The following ULK4 variants were observed in gnomAD, a reference collection of about 807,000 sequenced individuals.
The protein encoded by ULK4 is unc-51 like kinase 4, also known as inactive serine/threonine-protein kinase ULK4.
A neutral mutation model predicts 160.6 loss-of-function variants in ULK4; 133 were observed. The ratio of observed to expected loss-of-function variants is 0.83; its 90% CI spans 0.72 to 0.96. ULK4 has a LOEUF of 0.96. Ranked by LOEUF, ULK4 falls within the 40% of genes least tolerant of loss-of-function variation. ULK4 has a pLI of 0.00. For synonymous variants in ULK4, 534 were observed against 539.8 expected, an observed-to-expected ratio of 0.99 and a Z score of 0.15; for missense variants, 1,580 against 1,499.5, an observed-to-expected ratio of 1.05 and a Z score of -0.89.
chr3:41,866,691 T>C (rs950133559), intron 17 of ULK4, among the ~76,000 whole-genome samples: 2 of 152,184 alleles, frequency 1.3e-5, no homozygotes, highest in African/African-American at 4.8e-5. Flanking sequence ...TACTATAATA[T>C]GCGCTTGTGT....
intron 32 of ULK4, among the ~76,000 whole-genome samples, chr3:41,493,612 A>C (rs1237043705): frequency 7.3e-6 from 1 of 136,532 alleles, no homozygotes; most frequent in Admixed American, 7.3e-5. Flanking sequence ...GACACAAAAA[A>C]CCCTTCAAAA....
intron 30 of ULK4, among the ~76,000 whole-genome samples, 175 bp downstream of exon 30, chr3:41,663,432 G>A (rs1041906228): frequency 1.3e-5 from 2 of 152,096 alleles, no homozygotes; most frequent in Non-Finnish European, 2.9e-5. Flanking sequence ...ATATGAGAAC[G>A]AGAGTCAAAA....
chr3:41,368,570 T>C (rs974800419), intron 35 of ULK4, among the ~76,000 whole-genome samples: 11 of 152,184 alleles, frequency 7.2e-5, no homozygotes, highest in Admixed American at 2.6e-4. Flanking sequence ...TTCTGTAGAT[T>C]TGTAGATTCC....
chr3:41,849,101 A>T (rs2042142821), intron 17 of ULK4, among the ~76,000 whole-genome samples: 1 of 152,198 alleles, frequency 6.6e-6, no homozygotes, highest in South Asian at 2.1e-4. Context: ...TTAGCTGCCC[A>T]CAAAAGCCAC....
Position 41,938,207 on chromosome 3 carries a change from C to T in ULK4, c.139-10G>A. 2 of 1,604,708 alleles carry T rather than the reference C, an allele frequency of 1.2e-6. No homozygotes were observed. Among genetic ancestry groups the T allele is most frequent in the African/African-American group, 2.7e-5 (2 of 74,702 alleles). Reference sequence around the variant, plus strand: ...CACGGGTGAGACGGACCTATAAAAACACAGAGCAATCACTCTAAAAAGAAA... The same window carrying T: ...CACGGGTGAGACGGACCTATAAAAATACAGAGCAATCACTCTAAAAAGAAA... On this transcript the variant is annotated splice_polypyrimidine_tract_variant and intron_variant, in intron 2 of 36. Transcript: ENST00000301831.
intron 21 of ULK4, among the ~76,000 whole-genome samples, chr3:41,757,624 T>G (rs2038849033): frequency 8.9e-6 from 1 of 112,104 alleles, no homozygotes; most frequent in African/African-American, 4.2e-5. Flanking sequence ...AGAGCGAGAC[T>G]CTCTCAAAAA....
intron 32 of ULK4, among the ~76,000 whole-genome samples, chr3:41,463,914 C>T (rs1185902538): frequency 6.8e-6 from 1 of 147,646 alleles, no homozygotes; most frequent in East Asian, 2.0e-4. Flanking sequence ...AATTGAAATA[C>T]AACAAAAGTG....
chr3:41,699,847 T>C (rs1247658470), intron 27 of ULK4, among the ~76,000 whole-genome samples: 1 of 152,238 alleles, frequency 6.6e-6, no homozygotes, highest in Non-Finnish European at 1.5e-5. Flanking sequence ...AGCCAGTAAG[T>C]TGCAATAATA....
At chr3:41,268,813 CAAAAAAAAAAAA>C (rs1176923529) in intron 35 of ULK4, among the ~76,000 whole-genome samples, 1 of 29,088 alleles carries the variant, frequency 3.4e-5, no homozygotes, top group Non-Finnish European at 6.7e-5. Flanking sequence ...CACACACACA[CAAAAAAAAAAAA>C]AAAAAAAAAG....
chr3:41,918,719 A>C (rs976731915), intron 6 of ULK4, among the ~76,000 whole-genome samples, 179 bp from the exon 7 acceptor site: 1 of 145,180 alleles, frequency 6.9e-6, no homozygotes, highest in Admixed American at 7.4e-5. Flanking sequence ...CTCCTGCTTC[A>C]GCCTCCCCAG....
chr3:41,362,233 T>C (rs2081160932), intron 35 of ULK4, among the ~76,000 whole-genome samples: 2 of 152,310 alleles, frequency 1.3e-5, no homozygotes, highest in South Asian at 4.1e-4. Context: ...TCCAGTGTAG[T>C]GTTGACTGGA....
At chr3:41,558,347 G>C (rs1023990576) in intron 32 of ULK4, among the ~76,000 whole-genome samples, 1 of 152,188 alleles carries the variant, frequency 6.6e-6, no homozygotes, top group South Asian at 2.1e-4. Flanking sequence ...ACGGGGGTAA[G>C]TGCATATTTT....
chr3:41,652,193 G>A (rs1397916118), intron 30 of ULK4, among the ~76,000 whole-genome samples: 3 of 151,950 alleles, frequency 2.0e-5, no homozygotes, highest in Admixed American at 2.0e-4. Flanking sequence ...GATAATGGAA[G>A]AAAATAAGCA....
At chr3:41,279,276 C>CAA (rs1347630140) in intron 35 of ULK4, among the ~76,000 whole-genome samples, 3 of 73,624 alleles carry the variant, frequency 4.1e-5, no homozygotes, top group African/African-American at 1.9e-4. Context: ...AAAAAAAAAA[C>CAA]AAAACGACAA....
chr3:41,597,323 G>T (rs540085751), intron 31 of ULK4, among the ~76,000 whole-genome samples: 14 of 152,190 alleles, frequency 9.2e-5, no homozygotes, highest in Admixed American at 5.2e-4. Context: ...TCTCTGTGTG[G>T]ACCAAGGGAG....
At chr3:41,509,319 G>A (rs2085493955) in intron 32 of ULK4, among the ~76,000 whole-genome samples, 1 of 152,098 alleles carries the variant, frequency 6.6e-6, no homozygotes, top group African/African-American at 2.4e-5. Flanking sequence ...CAAGAAGTTT[G>A]GGACTATGTT....
At chr3:41,804,213 G>C (rs904430167) in intron 19 of ULK4, among the ~76,000 whole-genome samples, 32 of 151,846 alleles carry the variant, frequency 2.1e-4, no homozygotes, top group East Asian at 9.7e-4. Flanking sequence ...TTGTGGTTTT[G>C]ATTTGCATTT....
intron 34 of ULK4, among the ~76,000 whole-genome samples, chr3:41,402,065 C>T (rs79536315): frequency 0.022 from 3,303 of 152,174 alleles, 48 homozygotes; most frequent in Middle Eastern, 0.034. Flanking sequence ...CCCATGGTCA[C>T]GTCATACTCT....
chr3:41,611,016 A>G (rs913220001), intron 31 of ULK4, among the ~76,000 whole-genome samples: 2 of 152,096 alleles, frequency 1.3e-5, no homozygotes, highest in African/African-American at 4.8e-5. Flanking sequence ...AGCAACTTAT[A>G]CTCTTTTGAA....
Sources: allele counts gnomAD v4.1 joint callset (sites outside exome capture counted in the v4.1 genomes callset), GRCh38; gene constraint gnomAD v4.1.1; transcripts MANE v1.5; gene names NCBI Gene and HGNC (gene_info 2026-07-23, HGNC 2026-07-21).